XYLT1: variants seen among roughly 807,000 people sequenced by gnomAD.
XYLT1 encodes beta-D-xylosyltransferase 1.
Under a neutral mutation model 91.3 loss-of-function variants are expected in XYLT1, and 36 were observed. The observed-to-expected ratio is 0.39, with a 90% CI of 0.30 to 0.52. The LOEUF (loss-of-function observed/expected upper bound fraction) is 0.52. XYLT1 is among the 20% of genes least tolerant of loss of function. The probability of loss-of-function intolerance (pLI) is 0.68; values close to 1 mark genes in which losing one functional copy is unlikely to be tolerated. For missense variants in XYLT1, 1,242 were observed against 1,284.5 expected (o/e 0.97, Z 0.51); for synonymous variants, 588 against 532.0 (o/e 1.11, Z -1.45).
intron 5 of XYLT1, 79 bp from the exon 6 acceptor site, chr16:17,158,988 T>C (rs967195093): frequency 7.7e-7 from 1 of 1,298,844 alleles, no homozygotes; most frequent in African/African-American, 1.5e-5. Flanking sequence ...GTTTCACCAA[T>C]TATGTCAGTC....
chr16:17,195,961 A>G (rs1567317834), intron 5 of XYLT1, among the ~76,000 whole-genome samples: 1 of 152,232 alleles, frequency 6.6e-6, no homozygotes, highest in Non-Finnish European at 1.5e-5. Flanking sequence ...TGTGGTAAGT[A>G]AAATTCTACC....
intron 8 of XYLT1, among the ~76,000 whole-genome samples, chr16:17,137,830 T>TATCACTGATGAGGGTTTC (rs1402671031): frequency 6.6e-6 from 1 of 152,212 alleles, no homozygotes; most frequent in Non-Finnish European, 1.5e-5. Context: ...AATTCGTCGA[T>TATCACTGATGAGGGTTTC]ATCACTGATG....
At chr16:17,211,953 C>T (rs138787166) in intron 3 of XYLT1, among the ~76,000 whole-genome samples, 15 of 152,336 alleles carry the variant, frequency 9.8e-5, no homozygotes, top group African/African-American at 3.6e-4. Flanking sequence ...GTGCCAGTAG[C>T]ACTCACCTAG....
intron 3 of XYLT1, among the ~76,000 whole-genome samples, chr16:17,226,679 A>T (rs1265760478): frequency 1.3e-5 from 2 of 152,142 alleles, no homozygotes; most frequent in East Asian, 3.9e-4. Flanking sequence ...GCTACTCAGG[A>T]GGCTGAGGTG....
At chr16:17,119,413 T>C (rs1414969457) in intron 10 of XYLT1, among the ~76,000 whole-genome samples, 1 of 152,240 alleles carries the variant, frequency 6.6e-6, no homozygotes, top group Admixed American at 6.5e-5. Context: ...AGTATGAAGC[T>C]TGCACTGCCT....
chr16:17,337,900 C>A (rs1460925902), intron 2 of XYLT1, among the ~76,000 whole-genome samples: 2 of 151,702 alleles, frequency 1.3e-5, no homozygotes, highest in African/African-American at 4.8e-5. Flanking sequence ...TCTCAGCCTC[C>A]CGAGTAGCTG....
chr16:17,415,498 T>C (rs898721769), intron 1 of XYLT1, among the ~76,000 whole-genome samples: 1 of 152,104 alleles, frequency 6.6e-6, no homozygotes, highest in African/African-American at 2.4e-5. Context: ...AAGACCACCC[T>C]GGGCAACATG....
At position 17,255,839 on chromosome 16, in the gene XYLT1, C is replaced by T. The variant is rs2033622203; in HGVS notation, c.913+3149G>A. Among the ~76,000 whole-genome samples, 3 of 151,988 alleles carry T rather than the reference C, an allele frequency of 2.0e-5. No homozygotes were observed. The South Asian group carries it at 6.2e-4, about 32-fold the overall frequency. On this transcript the variant is annotated intron_variant, in intron 3 of 11. Coordinates refer to ENST00000261381, the MANE Select transcript of XYLT1 (RefSeq NM_022166.4). ...CGGGGCCAACATGGTGAAACCCCAC[C>T]TCTACTAAAAATACAAAAATTATCC...
chr16:17,194,884 A>C (rs1030326666), intron 5 of XYLT1, among the ~76,000 whole-genome samples: 1 of 152,204 alleles, frequency 6.6e-6, no homozygotes, highest in African/African-American at 2.4e-5. Flanking sequence ...GCATTTTGGG[A>C]CATTTCCAAA....
Position 17,267,769 on chromosome 16 carries a change from T to C in XYLT1, c.403-8271A>G, listed in dbSNP as rs551054745. ...GCACAGTGGGTTGAAATCTGGACCCTGGCCTTTGCTCACTGTGTGGCCCAG... is the reference window on the plus strand; with the variant it reads ...GCACAGTGGGTTGAAATCTGGACCCCGGCCTTTGCTCACTGTGTGGCCCAG... On this transcript the variant is annotated intron_variant, in intron 2 of 11. Coordinates refer to ENST00000261381, the MANE Select transcript of XYLT1 (RefSeq NM_022166.4). Among the ~76,000 whole-genome samples the C allele has an allele frequency of 2.0e-5, 3 of 152,310 alleles. No individual in the cohort carries two copies. The South Asian group carries it at 6.2e-4, about 32-fold the overall frequency.
intron 3 of XYLT1, among the ~76,000 whole-genome samples, chr16:17,215,922 T>C (rs2032849293): frequency 6.6e-6 from 1 of 152,130 alleles, no homozygotes; most frequent in Non-Finnish European, 1.5e-5. Flanking sequence ...AACAAGCCCT[T>C]TCATCAGGCT....
At position 17,470,607 on chromosome 16, in the gene XYLT1, G is replaced by GCGGGGC. The variant is rs965735566; in HGVS notation, c.184_189dup (p.Ala62_Pro63dup). ...GCGGGCAGGTCCCGGCGCTCCCGGC[G>GCGGGGC]CGGGGCCGGGGCCGGGGGCGGCTGC... On this transcript the variant is annotated inframe_insertion, in exon 1 of 12. Transcript: ENST00000261381. 4.5e-5 allele frequency: 52 copies of GCGGGGC among 1,146,038 alleles called. No individual in the cohort carries two copies. The highest frequency in any genetic ancestry group is 3.9e-4 in the Admixed American group (8 of 20,560). 71.0% of individuals were successfully genotyped at this position (1,146,038 alleles called of 1,614,324 possible).
chr16:17,266,787 C>T (rs1011672295), intron 2 of XYLT1, among the ~76,000 whole-genome samples: 5 of 152,232 alleles, frequency 3.3e-5, no homozygotes, highest in Non-Finnish European at 7.3e-5. Flanking sequence ...ATCACCAAGG[C>T]TACCAAGGCC....
In XYLT1 at chr16:17,138,624, T is replaced by C. The variant is rs78489178; in HGVS notation, c.1588-93A>G. 9,973 of 1,445,222 alleles carry C rather than the reference T, an allele frequency of 6.9e-3. 353 individuals are homozygous for C. In the East Asian group the frequency reaches 0.085, roughly 12 times the overall value. 89.5% of individuals were successfully genotyped at this position (1,445,222 alleles called of 1,614,324 possible). On this transcript the variant is annotated intron_variant, in intron 7 of 11. Coordinates refer to ENST00000261381, the MANE Select transcript of XYLT1 (RefSeq NM_022166.4). Reference sequence around the variant, plus strand: ...ATGGTGAACCCTTGCTCTGAGTTCATGTAAGAACTGGTTGTTTAAAAGAAT... The same window carrying C: ...ATGGTGAACCCTTGCTCTGAGTTCACGTAAGAACTGGTTGTTTAAAAGAAT...
At chr16:17,231,577 G>A (rs547803313) in intron 3 of XYLT1, among the ~76,000 whole-genome samples, 19 of 152,218 alleles carry the variant, frequency 1.2e-4, no homozygotes, top group South Asian at 6.2e-4. Flanking sequence ...AGATTTTGTT[G>A]CTGTGAGACT....
chr16:17,304,607 C>T (rs1012248980), intron 2 of XYLT1, among the ~76,000 whole-genome samples: 5 of 152,118 alleles, frequency 3.3e-5, no homozygotes, highest in African/African-American at 9.7e-5. Flanking sequence ...TGTAAGCCTA[C>T]GTCCAAAAGC....
At chr16:17,393,156 C>T (rs565021538) in intron 1 of XYLT1, among the ~76,000 whole-genome samples, 1 of 152,164 alleles carries the variant, frequency 6.6e-6, no homozygotes, top group Non-Finnish European at 1.5e-5. Flanking sequence ...ATGTCCTCAA[C>T]CTTGGCAAAA....
chr16:17,329,139 C>A (rs1389976363), intron 2 of XYLT1, among the ~76,000 whole-genome samples: 1 of 152,182 alleles, frequency 6.6e-6, no homozygotes, highest in Non-Finnish European at 1.5e-5. Context: ...CAGACATAGA[C>A]GAGTACGTAA....
intron 1 of XYLT1, among the ~76,000 whole-genome samples, chr16:17,410,704 G>A (rs574729687): frequency 5.1e-4 from 75 of 146,934 alleles, no homozygotes; most frequent in African/African-American, 1.8e-3. Context: ...CTGGAGTGGT[G>A]TGATCTTGGC....
Sources: allele counts gnomAD v4.1 joint callset (sites outside exome capture counted in the v4.1 genomes callset), GRCh38; gene constraint gnomAD v4.1.1; transcripts MANE v1.5; gene names NCBI Gene and HGNC (gene_info 2026-07-23, HGNC 2026-07-21).